THRAP3: variants seen among roughly 807,000 people sequenced by gnomAD.
The protein encoded by THRAP3 is thyroid hormone receptor associated protein 3.
In THRAP3, 16 loss-of-function variants were observed where a neutral mutation model predicts 101.0. That is an observed-to-expected ratio of 0.16 (90% CI 0.11 to 0.24). The LOEUF is 0.24. Among genes scored for constraint, THRAP3 ranks in the 10% least tolerant of loss-of-function variants. THRAP3 has a pLI of 1.00. For synonymous variants in THRAP3, 407 were observed against 422.6 expected, an observed-to-expected ratio of 0.96 and a Z score of 0.45; for missense variants, 989 against 1,202.7, an observed-to-expected ratio of 0.82 and a Z score of 2.63.
intron 1 of THRAP3, among the ~76,000 whole-genome samples, chr1:36,235,686 A>G (rs1645077251): frequency 6.6e-6 from 1 of 152,208 alleles, no homozygotes; most frequent in Admixed American, 6.5e-5. Context: ...AGACTTTTCT[A>G]GAGGACAACA....
intron 1 of THRAP3, among the ~76,000 whole-genome samples, chr1:36,244,981 A>G (rs1198849370): frequency 6.6e-6 from 1 of 151,506 alleles, no homozygotes; most frequent in African/African-American, 2.4e-5. Context: ...CGGCCTCCCA[A>G]AGTGCTGGGA....
At chr1:36,234,808 T>C (rs1257771495) in intron 1 of THRAP3, among the ~76,000 whole-genome samples, 2 of 44,136 alleles carry the variant, frequency 4.5e-5, no homozygotes, top group East Asian at 2.9e-3. Context: ...TGTTTCAGTC[T>C]TTTTTTTTTT....
chr1:36,288,514 ATTAACATGTATTTTGTTTTTATTTGTGT>A (rs1645824955), intron 4 of THRAP3: 2 of 985,322 alleles, frequency 2.0e-6, no homozygotes, highest in African/African-American at 1.7e-5. Flanking sequence ...CCTCTCCCCC[ATTAACATGTATTTTGTTTTTATTTGTGT>A]TCACAGTATA....
chr1:36,263,173 C>T (rs1645469666), intron 2 of THRAP3, among the ~76,000 whole-genome samples: 1 of 143,666 alleles, frequency 7.0e-6, no homozygotes, highest in South Asian at 2.2e-4. Flanking sequence ...GATCACGGCT[C>T]ACTGCAACCT....
chr1:36,226,471 G>A (rs1644963624), intron 1 of THRAP3, among the ~76,000 whole-genome samples: 1 of 152,116 alleles, frequency 6.6e-6, no homozygotes. Flanking sequence ...TGTTGGCCAG[G>A]CTAGTCTTGA....
Position 36,304,816 on chromosome 1 carries a change from A to G in THRAP3, c.*799A>G, listed in dbSNP as rs1253897259. ...TCTAGTCCTGCTGATCCTCCCAGCA[A>G]CGGGGTGGAAACTGGAGGGCAGTGT... is the stretch of plus-strand genomic sequence containing the variant. On this transcript the variant is annotated 3_prime_UTR_variant, in exon 12 of 12. Coordinates refer to ENST00000354618, the MANE Select transcript of THRAP3 (RefSeq NM_005119.4). 4.8e-6 allele frequency: 1 copy of G among 208,256 alleles called. No individual in the cohort carries two copies. The highest frequency in any genetic ancestry group is 5.9e-5 in the Admixed American group (1 of 16,908). 12.9% of individuals were successfully genotyped at this position (208,256 alleles called of 1,614,324 possible).
intron 1 of THRAP3, among the ~76,000 whole-genome samples, chr1:36,244,334 A>G (rs566539486): frequency 3.8e-4 from 57 of 151,968 alleles, no homozygotes; most frequent in African/African-American, 1.3e-3. Flanking sequence ...AAGTTTCTGA[A>G]CTCTGTGTCA....
At chr1:36,242,364 G>T (rs1013831740) in intron 1 of THRAP3, among the ~76,000 whole-genome samples, 1 of 151,768 alleles carries the variant, frequency 6.6e-6, no homozygotes, top group African/African-American at 2.4e-5. Flanking sequence ...TGTTGCCCAG[G>T]TTGATCTTGA....
chr1:36,261,027 A>G (rs1416520171), intron 2 of THRAP3, among the ~76,000 whole-genome samples: 1 of 151,970 alleles, frequency 6.6e-6, no homozygotes, highest in Admixed American at 6.6e-5. Context: ...CTATGTCTTT[A>G]TCAGTAATTT....
intron 1 of THRAP3, among the ~76,000 whole-genome samples, chr1:36,254,259 C>T (rs1322559105): frequency 6.6e-6 from 1 of 152,140 alleles, no homozygotes; most frequent in African/African-American, 2.4e-5. Context: ...CTTTTCTTCT[C>T]CACAGATATT....
At chr1:36,255,653 A>G (rs535439849) in intron 1 of THRAP3, among the ~76,000 whole-genome samples, 1 of 151,908 alleles carries the variant, frequency 6.6e-6, no homozygotes, top group Admixed American at 6.6e-5. Flanking sequence ...CATGCCTGTA[A>G]TCCCAGCTAC....
chr1:36,226,108 T>C (rs1298126471), intron 1 of THRAP3, among the ~76,000 whole-genome samples: 2 of 152,194 alleles, frequency 1.3e-5, no homozygotes, highest in Non-Finnish European at 2.9e-5. Flanking sequence ...ATAGGTACTT[T>C]TAAATTTGGT....
At chr1:36,248,858 A>G (rs1645263290) in intron 1 of THRAP3, among the ~76,000 whole-genome samples, 1 of 151,848 alleles carries the variant, frequency 6.6e-6, no homozygotes, top group Non-Finnish European at 1.5e-5. Flanking sequence ...GTTGGAGGAG[A>G]TACAAGATAA....
At chr1:36,270,053 G>C (rs1399274269) in intron 2 of THRAP3, among the ~76,000 whole-genome samples, 1 of 152,098 alleles carries the variant, frequency 6.6e-6, no homozygotes, top group East Asian at 1.9e-4. Flanking sequence ...TCCCTATACT[G>C]TTCTTTCTAC....
chr1:36,212,417 TC>T, the THRAP3 span, among the ~76,000 whole-genome samples: 147 of 144,884 alleles, frequency 1.0e-3, no homozygotes, highest in African/African-American at 3.8e-3. Flanking sequence ...TTTCTTTCTT[TC>T]TTTTTTTTTT....
the THRAP3 span, among the ~76,000 whole-genome samples, chr1:36,217,622 G>A: frequency 6.6e-6 from 1 of 151,686 alleles, no homozygotes; most frequent in African/African-American, 2.4e-5. Context: ...TGCTCACTTT[G>A]TGTCCCTGTC....
At chr1:36,240,695 A>T (rs372496336) in intron 1 of THRAP3, among the ~76,000 whole-genome samples, 1 of 152,128 alleles carries the variant, frequency 6.6e-6, no homozygotes, top group Non-Finnish European at 1.5e-5. Flanking sequence ...TTTTTTTGGT[A>T]TAAATATAGG....
chr1:36,208,966 CTTTTTTTTTTTTT>C, the THRAP3 span, among the ~76,000 whole-genome samples: 35 of 51,930 alleles, frequency 6.7e-4, no homozygotes, highest in African/African-American at 1.6e-3. Flanking sequence ...CATGTCCAGC[CTTTTTTTTTTTTT>C]TTTTTTTTTT....
At chr1:36,294,210 G>A in intron 8 of THRAP3, 1 of 1,204,518 alleles carries the variant, frequency 8.3e-7, no homozygotes, top group East Asian at 3.7e-5. Flanking sequence ...CCCATGATGA[G>A]AGAAGAAACT....
Sources: allele counts gnomAD v4.1 joint callset (sites outside exome capture counted in the v4.1 genomes callset), GRCh38; gene constraint gnomAD v4.1.1; transcripts MANE v1.5; gene names NCBI Gene and HGNC (gene_info 2026-07-23, HGNC 2026-07-21).